LRBA: variants seen among roughly 807,000 people sequenced by gnomAD.
LRBA encodes the protein LPS responsive beige-like anchor protein, also known as lipopolysaccharide-responsive and beige-like anchor protein.
Under a neutral mutation model 330.0 loss-of-function variants are expected in LRBA, and 176 were observed. That is an observed-to-expected ratio of 0.53 (90% CI 0.47 to 0.60). The LOEUF is 0.60. Among genes scored for constraint, LRBA ranks in the 20% least tolerant of loss-of-function variants. The pLI is 0.00. For missense variants in LRBA, 3,259 were observed against 3,444.8 expected (o/e 0.95, Z 1.35); for synonymous variants, 1,230 against 1,193.0 (o/e 1.03, Z -0.64).
chr4:150,647,271 T>G (rs1779231790), intron 37 of LRBA, among the ~76,000 whole-genome samples: 1 of 149,846 alleles, frequency 6.7e-6, no homozygotes, highest in Non-Finnish European at 1.5e-5. Context: ...AAAAATAAGC[T>G]AAAGTAGGAA....
chr4:150,850,389 C>T (rs1052106441), intron 24 of LRBA, among the ~76,000 whole-genome samples: 21 of 152,064 alleles, frequency 1.4e-4, no homozygotes, highest in African/African-American at 4.8e-4. Flanking sequence ...CAACTGCGCC[C>T]GGCCTATACC....
chr4:150,503,842 G>GA (rs1186530321), intron 40 of LRBA, among the ~76,000 whole-genome samples: 3 of 151,786 alleles, frequency 2.0e-5, no homozygotes, highest in Admixed American at 6.6e-5. Flanking sequence ...TAAAAACTTT[G>GA]AAAAAAAATT....
Position 150,852,776 on chromosome 4 carries a change from A to C in LRBA, c.2934T>G (p.Asp978Glu). 1 of 1,614,052 alleles carries C rather than the reference A, an allele frequency of 6.2e-7. No individual in the cohort carries two copies. The highest frequency in any genetic ancestry group is 8.5e-7 in the Non-Finnish European group (1 of 1,179,940). ...SVGSQQPDTKDSPVCPHFTTN... is the reference protein window; with the variant it reads ...SVGSQQPDTKESPVCPHFTTN... Reference sequence around the variant, plus strand: ...TGGTGAAATGAGGACAGACAGGAGAATCCTTCGTATCTGGTTGCTGGGATC... The same window carrying C: ...TGGTGAAATGAGGACAGACAGGAGACTCCTTCGTATCTGGTTGCTGGGATC... Residue 978 changes from aspartate (D) to glutamate (E), a missense_variant, in exon 23 of 57, where the codon GAT becomes GAG. Physicochemically the swap from Asp to Glu is conservative, Grantham distance 45. Coordinates refer to ENST00000651943, the MANE Select transcript of LRBA (RefSeq NM_001364905.1).
rs747464117 is a variant in LRBA at position 150,852,594 on chromosome 4, G to A, written c.3116C>T (p.Thr1039Ile). ...PDEGTLEETL[T>I]NETRNADDLE... ...ATCATCTGCATTCCTTGTCTCATTT[G>A]TCAGTGTTTCTTCCAAAGTGCCTTC... The change falls in exon 23 of 57, where the codon ACA (threonine) becomes ATA (isoleucine). Residue 1039 changes from threonine to isoleucine, a missense_variant. Thr to Ile is a moderately conservative substitution (Grantham distance 89). Coordinates refer to ENST00000651943, the MANE Select transcript of LRBA (RefSeq NM_001364905.1). The A allele has an allele frequency of 8.1e-6, 13 of 1,613,940 alleles. No individual in the cohort carries two copies. The highest frequency in any genetic ancestry group is 1.0e-5 in the Non-Finnish European group (12 of 1,179,980).
At chr4:150,407,492 G>T (rs1746367857) in intron 47 of LRBA, among the ~76,000 whole-genome samples, 1 of 151,882 alleles carries the variant, frequency 6.6e-6, no homozygotes, top group East Asian at 1.9e-4. Context: ...TAGACAGAAA[G>T]TCAGCAAAGA....
chr4:150,833,598 A>C (rs977886218), intron 28 of LRBA, among the ~76,000 whole-genome samples: 1 of 152,222 alleles, frequency 6.6e-6, no homozygotes, highest in South Asian at 2.1e-4. Context: ...TCTAAAAAAA[A>C]CGCACATAAT....
intron 42 of LRBA, among the ~76,000 whole-genome samples, chr4:150,474,618 G>C (rs2152072470): frequency 6.6e-6 from 1 of 152,228 alleles, no homozygotes; most frequent in Middle Eastern, 3.4e-3. Context: ...TCTGATCCAT[G>C]AACATGGAAT....
At chr4:150,738,893 G>A (rs1731574084) in intron 35 of LRBA, among the ~76,000 whole-genome samples, 1 of 151,524 alleles carries the variant, frequency 6.6e-6, no homozygotes, top group Non-Finnish European at 1.5e-5. Flanking sequence ...AAATATAAAG[G>A]ACATAAATAA....
intron 35 of LRBA, among the ~76,000 whole-genome samples, chr4:150,743,463 G>A (rs1233573406): frequency 6.6e-6 from 1 of 152,082 alleles, no homozygotes; most frequent in East Asian, 1.9e-4. Flanking sequence ...TACATTAAGA[G>A]GAAAAATAAA....
intron 2 of LRBA, among the ~76,000 whole-genome samples, chr4:150,947,913 T>G (rs1238343622): frequency 1.3e-5 from 2 of 152,002 alleles, no homozygotes; most frequent in Admixed American, 1.3e-4. Context: ...TGCTCAAAAA[T>G]ATGAAGTTCT....
chr4:150,994,723 G>A (rs1742456024), intron 2 of LRBA, among the ~76,000 whole-genome samples: 1 of 152,334 alleles, frequency 6.6e-6, no homozygotes, highest in African/African-American at 2.4e-5. Context: ...GGGTCATACA[G>A]AGAACTGGGG....
At chr4:150,361,871 T>C (rs1198194734) in intron 47 of LRBA, among the ~76,000 whole-genome samples, 1 of 151,476 alleles carries the variant, frequency 6.6e-6, no homozygotes, top group Non-Finnish European at 1.5e-5. Flanking sequence ...CCCGGGTTCA[T>C]GCCCATTCTC....
chr4:150,434,340 GCA>G (rs1750813844), intron 46 of LRBA, among the ~76,000 whole-genome samples: 2 of 152,084 alleles, frequency 1.3e-5, no homozygotes, highest in Admixed American at 1.3e-4. Context: ...TAGCTACTGT[GCA>G]GTTTTTGATC....
chr4:150,548,134 C>T (rs1413318268), intron 40 of LRBA, among the ~76,000 whole-genome samples: 1 of 152,132 alleles, frequency 6.6e-6, no homozygotes, highest in African/African-American at 2.4e-5. Context: ...ATAATACAAA[C>T]ATTTTTTTCA....
chr4:150,978,761 C>G (rs1394275671), intron 2 of LRBA, among the ~76,000 whole-genome samples: 2 of 152,134 alleles, frequency 1.3e-5, no homozygotes, highest in African/African-American at 4.8e-5. Flanking sequence ...GCATCAGAGT[C>G]TCTTAACAGA....
At chr4:150,582,737 A>G (rs562637191) in intron 40 of LRBA, 8 of 326,674 alleles carry the variant, frequency 2.4e-5, no homozygotes, top group African/African-American at 1.5e-4. Context: ...GGTCATCTTT[A>G]CATATCAAGA....
At chr4:150,702,135 G>A (rs1660576273) in intron 36 of LRBA, among the ~76,000 whole-genome samples, 1 of 152,076 alleles carries the variant, frequency 6.6e-6, no homozygotes, top group African/African-American at 2.4e-5. Flanking sequence ...TCCTAATTAT[G>A]AGTTTACTTT....
intron 2 of LRBA, among the ~76,000 whole-genome samples, chr4:150,978,890 T>C (rs1393247318): frequency 6.6e-6 from 1 of 151,970 alleles, no homozygotes; most frequent in Non-Finnish European, 1.5e-5. Context: ...CTACAAGATC[T>C]AGAAAACAGC....
intron 22 of LRBA, among the ~76,000 whole-genome samples, chr4:150,863,079 T>G (rs1035500192): frequency 2.0e-5 from 3 of 152,018 alleles, no homozygotes; most frequent in African/African-American, 7.2e-5. Flanking sequence ...GGGGGGCCAC[T>G]TGAGTCCAGG....
Sources: allele counts gnomAD v4.1 joint callset (sites outside exome capture counted in the v4.1 genomes callset), GRCh38; gene constraint gnomAD v4.1.1; transcripts MANE v1.5; gene names NCBI Gene and HGNC (gene_info 2026-07-23, HGNC 2026-07-21).